Variants in UGT2B4 observed in about 807,000 individuals in gnomAD.
The protein encoded by UGT2B4 is UDP-glucuronosyltransferase 2B4.
A neutral mutation model predicts 49.8 loss-of-function variants in UGT2B4; 49 were observed. The ratio of observed to expected loss-of-function variants is 0.98; its 90% CI spans 0.78 to 1.25. The LOEUF is 1.25. Among genes scored for constraint, UGT2B4 ranks in the 50% most tolerant of loss-of-function variants. The probability of loss-of-function intolerance (pLI) is 0.00; values close to 1 mark genes in which losing one functional copy is unlikely to be tolerated. For missense variants in UGT2B4, 729 were observed against 627.7 expected (o/e 1.16, Z -1.73); for synonymous variants, 246 against 217.7 (o/e 1.13, Z -1.14).
chr4:69,488,011 A>G (rs1298723083), intron 3 of UGT2B4, among the ~76,000 whole-genome samples: 2 of 152,146 alleles, frequency 1.3e-5, no homozygotes, highest in Non-Finnish European at 2.9e-5. Flanking sequence ...ATTGACAAAA[A>G]TGCAAGTCTA....
intron 1 of UGT2B4, among the ~76,000 whole-genome samples, chr4:69,494,277 A>G (rs41299992): frequency 7.0e-4 from 107 of 152,258 alleles, no homozygotes; most frequent in Non-Finnish European, 1.3e-3. Flanking sequence ...CTAATCTTTT[A>G]TCTTTGGTTC....
chr4:69,500,656 A>AGAAAGAAG (rs1728292953), upstream of UGT2B4, among the ~76,000 whole-genome samples: 2 of 123,516 alleles, frequency 1.6e-5, no homozygotes, highest in Non-Finnish European at 4.0e-5. Context: ...AAAGAAAGAA[A>AGAAAGAAG]GAAAGAAAGA....
chr4:69,501,887 A>G (rs1431263643), intron 1 of UGT2B4, among the ~76,000 whole-genome samples: 2 of 152,096 alleles, frequency 1.3e-5, no homozygotes, highest in Non-Finnish European at 2.9e-5. Context: ...TGTCACACTT[A>G]AGGCCCTGGT....
Position 69,480,409 on chromosome 4 carries a change from A to G in UGT2B4, c.*225T>C, listed in dbSNP as rs1966151. On this transcript the variant is annotated 3_prime_UTR_variant, in exon 6 of 6. Coordinates refer to ENST00000305107, the MANE Select transcript of UGT2B4 (RefSeq NM_021139.3). ...GCTCAATACATTTCAATATAACCTC[A>G]TATGGCTTTATATCATTTTTGTTTT... 0.26 allele frequency: 141,707 copies of G among 538,384 alleles called. 19,843 individuals are homozygous for G. The highest frequency in any genetic ancestry group is 0.43 in the East Asian group (12,431 of 28,668). 33.4% of individuals were successfully genotyped at this position (538,384 alleles called of 1,614,324 possible).
intron 1 of UGT2B4, among the ~76,000 whole-genome samples, chr4:69,494,483 GATACATAGTTTCAAAAAAAAA>G: frequency 6.6e-6 from 1 of 152,028 alleles, no homozygotes; most frequent in South Asian, 2.1e-4. Flanking sequence ...TTTAAAGAAA[GATACATAGTTTCAAAAAAAAA>G]CTATACAGTT....
In UGT2B4 at chr4:69,486,691, C is replaced by T. The variant is rs1040264297; in HGVS notation, c.1008G>A (p.Leu336=). The T allele has an allele frequency of 1.2e-6, 2 of 1,603,750 alleles. No homozygotes were observed. The highest frequency in any genetic ancestry group is 2.7e-5 in the African/African-American group (2 of 74,412). The change falls in exon 4 of 6, where the codon CTG becomes CTA. Residue 336 remains leucine (L), a synonymous_variant. Coordinates refer to ENST00000305107, the MANE Select transcript of UGT2B4 (RefSeq NM_021139.3). ...CTGGTTTATTCCCATCAAATCTCCA[C>T]AGAACCTGTTACAGTGAAGAAAATA... ...SALAKIPQKV[L]WRFDGNKPDT... is the part of the protein sequence containing the mutation.
chr4:69,511,718 T>C (rs1420550391), intron 1 of UGT2B4, among the ~76,000 whole-genome samples: 1 of 152,136 alleles, frequency 6.6e-6, no homozygotes, highest in African/African-American at 2.4e-5. Context: ...TCTTTTCAGA[T>C]TTTTGGAAAA....
At chr4:69,509,568 G>A (rs1231707521) in intron 1 of UGT2B4, among the ~76,000 whole-genome samples, 1 of 152,000 alleles carries the variant, frequency 6.6e-6, no homozygotes, top group African/African-American at 2.4e-5. Flanking sequence ...ATATCATCAC[G>A]GTTCAGATTT....
intron 3 of UGT2B4, among the ~76,000 whole-genome samples, chr4:69,487,137 G>C (rs1371053325): frequency 1.3e-5 from 2 of 152,178 alleles, no homozygotes; most frequent in South Asian, 4.1e-4. Flanking sequence ...CTGTTGAAGG[G>C]ACTGTAAGTT....
Position 69,485,188 on chromosome 4 carries a change from A to T in UGT2B4, c.1310+20T>A, listed in dbSNP as rs1727736078. On this transcript the variant is annotated intron_variant, in intron 5 of 5. Transcript: ENST00000305107. The stretch of plus-strand genomic sequence containing the variant: ...AACCTATCTATAAAGACCACCGAGT[A>T]AAAAAAAAGTTATACTCACAAAGGA... The T allele has an allele frequency of 1.3e-6, 2 of 1,570,504 alleles. No homozygotes were observed. Among genetic ancestry groups the T allele is most frequent in the South Asian group, 2.2e-5 (2 of 88,904 alleles).
intron 1 of UGT2B4, chr4:69,525,643 A>AT (rs1201507737): frequency 1.9e-5 from 23 of 1,224,954 alleles, no homozygotes; most frequent in Non-Finnish European, 2.4e-5. Flanking sequence ...TGCACCTGCC[A>AT]TTTTTTCACA....
chr4:69,498,640 C>G (rs1344944497), upstream of UGT2B4, among the ~76,000 whole-genome samples: 1 of 151,452 alleles, frequency 6.6e-6, no homozygotes, highest in Non-Finnish European at 1.5e-5. Context: ...TCTAGATTTT[C>G]TAGTTTATTT....
chr4:69,502,091 C>CTCTCTCTTTCTTTCTT (rs1553896639), intron 1 of UGT2B4, among the ~76,000 whole-genome samples: 5 of 108,524 alleles, frequency 4.6e-5, no homozygotes, highest in African/African-American at 1.4e-4. Flanking sequence ...TTCTTTCTCT[C>CTCTCTCTTTCTTTCTT]TCTTTCTTTC....
chr4:69,500,670 G>GAAAGAAAGAAAGAAAGAAAGAAAGAAAGA (rs1560438465), upstream of UGT2B4, among the ~76,000 whole-genome samples: 2 of 62,820 alleles, frequency 3.2e-5, no homozygotes, highest in Non-Finnish European at 8.0e-5. Flanking sequence ...AGAAAGAAAG[G>GAAAGAAAGAAAGAAAGAAAGAAAGAAAGA]AAGGAAAGAA....
Position 69,502,047 on chromosome 4 carries a change from G to A in UGT2B4, c.-105-6081C>T, listed in dbSNP as rs149118088. 4.7e-5 allele frequency among the ~76,000 whole-genome samples: 7 copies of A among 149,036 alleles called. No homozygotes were observed. In the East Asian group the frequency reaches 1.4e-3, roughly 30 times the overall value. ...CCTGGGTGGGACATCATCCTGCCTT[G>A]TCTCTCTTTCCCTTCCTTCCTTCTT... On this transcript the variant is annotated intron_variant, in intron 1 of 1. Transcript: ENST00000510114.
chr4:69,508,401 C>T (rs1478956679), intron 1 of UGT2B4, among the ~76,000 whole-genome samples: 1 of 152,038 alleles, frequency 6.6e-6, no homozygotes, highest in Non-Finnish European at 1.5e-5. Flanking sequence ...AACATGTATG[C>T]ACATGTTTAT....
intron 1 of UGT2B4, among the ~76,000 whole-genome samples, chr4:69,509,025 A>T (rs938034167): frequency 1.4e-4 from 21 of 152,072 alleles, no homozygotes; most frequent in African/African-American, 4.8e-4. Flanking sequence ...CTACTCTCTG[A>T]TTCTATGAGT....
chr4:69,486,676 C>G lies in UGT2B4; in HGVS notation c.1023G>C (p.Gly341=), dbSNP rs367837856. The G allele has an allele frequency of 6.2e-7, 1 of 1,607,588 alleles. No homozygotes were observed. Among genetic ancestry groups the G allele is most frequent in the South Asian group, 1.1e-5 (1 of 89,744 alleles). The stretch of plus-strand genomic sequence containing the variant: ...TGAGTCCTAAAGTATCTGGTTTATT[C>G]CCATCAAATCTCCACAGAACCTGTT... The part of the protein sequence containing the change: ...IPQKVLWRFD[G]NKPDTLGLNT... The change falls in exon 4 of 6, where the codon GGG becomes GGC. Residue 341 remains glycine, a synonymous_variant. Transcript: ENST00000305107.
rs1327202022 is a variant in UGT2B4 at position 69,480,646 on chromosome 4, C to T, written c.1575G>A (p.Gly525=). ...GCCTCAGACGTAATTAATCTCTTTT[C>T]CCCTTCTTTCCTGTTCTAACAAACT... ...VWKFVRTGKK[G]KRD is the part of the protein sequence containing the mutation. Residue 525 remains glycine (G), a synonymous_variant, in exon 6 of 6, where the codon GGG becomes GGA. Coordinates refer to ENST00000305107, the MANE Select transcript of UGT2B4 (RefSeq NM_021139.3). 2 of 1,613,878 alleles carry T rather than the reference C, an allele frequency of 1.2e-6. No homozygotes were observed. The highest frequency in any genetic ancestry group is 1.7e-6 in the Non-Finnish European group (2 of 1,179,856).
Sources: allele counts gnomAD v4.1 joint callset (sites outside exome capture counted in the v4.1 genomes callset), GRCh38; gene constraint gnomAD v4.1.1; transcripts MANE v1.5; gene names NCBI Gene and HGNC (gene_info 2026-07-23, HGNC 2026-07-21).